Variants in AGBL4 observed in about 807,000 individuals in gnomAD.
The protein encoded by AGBL4 is AGBL carboxypeptidase 4, also known as cytosolic carboxypeptidase 6.
In AGBL4, 58 loss-of-function variants were observed where a neutral mutation model predicts 66.4. That is an observed-to-expected ratio of 0.87 (90% CI 0.71 to 1.09). The LOEUF (loss-of-function observed/expected upper bound fraction) is 1.09, where lower values mean the gene tolerates loss of function less well. AGBL4 is among the 50% of genes least tolerant of loss of function. The probability of loss-of-function intolerance (pLI) is 0.00; values close to 1 mark genes in which losing one functional copy is unlikely to be tolerated. For missense variants in AGBL4, 579 were observed against 631.0 expected, an observed-to-expected ratio of 0.92 and a Z score of 0.88; for synonymous variants, 234 against 222.9, an observed-to-expected ratio of 1.05 and a Z score of -0.44.
At chr1:48,550,541 C>A (rs1161313817) in intron 11 of AGBL4, among the ~76,000 whole-genome samples, 2 of 152,120 alleles carry the variant, frequency 1.3e-5, no homozygotes, top group Non-Finnish European at 2.9e-5. Flanking sequence ...ATCTGAAGAG[C>A]CTTAACCATA....
At chr1:48,647,684 A>G in intron 8 of AGBL4, 1 of 425,276 alleles carries the variant, frequency 2.4e-6, no homozygotes, top group South Asian at 1.7e-5. Context: ...AAATGCAGGC[A>G]ACTTCTGCAT....
intron 3 of AGBL4, among the ~76,000 whole-genome samples, chr1:49,256,242 C>T (rs945057396): frequency 6.6e-6 from 1 of 152,006 alleles, no homozygotes; most frequent in Non-Finnish European, 1.5e-5. Context: ...CTGATTAGAT[C>T]ATTATACATT....
intron 1 of AGBL4, among the ~76,000 whole-genome samples, chr1:49,984,317 C>T (rs1250110550): frequency 2.0e-5 from 3 of 152,218 alleles, no homozygotes; most frequent in Non-Finnish European, 4.4e-5. Context: ...CAGCCATGGA[C>T]TGGTTCTGGG....
At chr1:49,509,791 C>T (rs1017338809) in intron 3 of AGBL4, among the ~76,000 whole-genome samples, 6 of 151,844 alleles carry the variant, frequency 4.0e-5, no homozygotes, top group African/African-American at 1.4e-4. Flanking sequence ...TTTCCTCATC[C>T]ATAAAATAGG....
intron 3 of AGBL4, among the ~76,000 whole-genome samples, chr1:49,641,579 C>A (rs1181272072): frequency 6.6e-6 from 1 of 152,042 alleles, no homozygotes; most frequent in Non-Finnish European, 1.5e-5. Flanking sequence ...TATTATTTAA[C>A]AGTGGTTATA....
intron 3 of AGBL4, among the ~76,000 whole-genome samples, chr1:49,487,840 C>A (rs1488816707): frequency 2.0e-5 from 3 of 151,782 alleles, no homozygotes; most frequent in African/African-American, 4.8e-5. Context: ...GGGTTTGAAC[C>A]CTGATATTCT....
chr1:49,872,957 A>T (rs1296952145), intron 1 of AGBL4, among the ~76,000 whole-genome samples: 1 of 152,016 alleles, frequency 6.6e-6, no homozygotes, highest in African/African-American at 2.4e-5. Flanking sequence ...AAGTCTCCAA[A>T]ATAATGTTTT....
chr1:49,501,870 G>A (rs1307178231), intron 3 of AGBL4, among the ~76,000 whole-genome samples: 1 of 151,840 alleles, frequency 6.6e-6, no homozygotes, highest in Admixed American at 6.6e-5. Context: ...TTGAATCATT[G>A]CTTGTTAAGC....
chr1:49,476,610 C>A (rs985500913), intron 3 of AGBL4, among the ~76,000 whole-genome samples: 1 of 152,018 alleles, frequency 6.6e-6, no homozygotes, highest in African/African-American at 2.4e-5. Context: ...TGTATCCTTA[C>A]AATAGTTAGG....
intron 3 of AGBL4, among the ~76,000 whole-genome samples, chr1:49,476,754 G>GTGAT (rs1646855041): frequency 6.6e-6 from 1 of 151,992 alleles, no homozygotes; most frequent in Admixed American, 6.6e-5. Flanking sequence ...TTAAATTTGT[G>GTGAT]TGATAGATCT....
At chr1:48,919,918 G>A (rs951271300) in intron 5 of AGBL4, among the ~76,000 whole-genome samples, 2 of 152,188 alleles carry the variant, frequency 1.3e-5, no homozygotes, top group African/African-American at 2.4e-5. Flanking sequence ...CAAGAACTCT[G>A]AGAAAAAGAA....
chr1:49,094,476 T>C (rs1259091372), intron 4 of AGBL4, among the ~76,000 whole-genome samples: 1 of 152,154 alleles, frequency 6.6e-6, no homozygotes, highest in African/African-American at 2.4e-5. Flanking sequence ...TCTGTTTATA[T>C]GCTGGATTAT....
chr1:49,600,252 C>G (rs1422519657), intron 3 of AGBL4, among the ~76,000 whole-genome samples: 1 of 152,152 alleles, frequency 6.6e-6, no homozygotes, highest in Non-Finnish European at 1.5e-5. Context: ...GTCTAAGTCT[C>G]TTTGTAGGTC....
At chr1:49,809,703 T>C (rs991094929) in intron 2 of AGBL4, among the ~76,000 whole-genome samples, 1 of 152,066 alleles carries the variant, frequency 6.6e-6, no homozygotes, top group African/African-American at 2.4e-5. Flanking sequence ...ATATAAATAA[T>C]GCAAAATTAA....
chr1:49,694,891 C>A (rs941962436), intron 3 of AGBL4, among the ~76,000 whole-genome samples: 7 of 152,116 alleles, frequency 4.6e-5, no homozygotes, highest in Non-Finnish European at 4.4e-5. Flanking sequence ...CTCTACCCCT[C>A]CTTGTATAAG....
chr1:49,231,286 A>G (rs1396324179), intron 4 of AGBL4, among the ~76,000 whole-genome samples: 6 of 152,214 alleles, frequency 3.9e-5, no homozygotes. Flanking sequence ...AAGAGGGATC[A>G]GGAAGAAAAG....
intron 4 of AGBL4, among the ~76,000 whole-genome samples, chr1:49,187,054 G>A (rs996886945): frequency 6.6e-6 from 1 of 152,154 alleles, no homozygotes; most frequent in Non-Finnish European, 1.5e-5. Context: ...AGAACAATTT[G>A]GCTTTAGCCA....
At chr1:48,716,717 C>G (rs1234531407) in intron 6 of AGBL4, among the ~76,000 whole-genome samples, 2 of 152,172 alleles carry the variant, frequency 1.3e-5, no homozygotes, top group African/African-American at 4.8e-5. Flanking sequence ...TCCTCAGGAG[C>G]AAGGCGGTGG....
intron 6 of AGBL4, among the ~76,000 whole-genome samples, chr1:48,697,967 C>T (rs995062662): frequency 2.0e-5 from 3 of 152,238 alleles, no homozygotes; most frequent in Non-Finnish European, 2.9e-5. Flanking sequence ...ATCCCTCAGC[C>T]GGATTCCAGA....
Sources: allele counts gnomAD v4.1 joint callset (sites outside exome capture counted in the v4.1 genomes callset), GRCh38; gene constraint gnomAD v4.1.1; transcripts MANE v1.5; gene names NCBI Gene and HGNC (gene_info 2026-07-23, HGNC 2026-07-21).